ADGRD2: variants seen among roughly 807,000 people sequenced by gnomAD.
ADGRD2 encodes the protein adhesion G protein-coupled receptor D2.
A neutral mutation model predicts 44.4 loss-of-function variants in ADGRD2; 71 were observed. The observed-to-expected ratio is 1.60, with a 90% CI of 1.32 to 1.95. The LOEUF (loss-of-function observed/expected upper bound fraction) is 1.95. Ranked by LOEUF, ADGRD2 falls within the 30% of genes most tolerant of loss-of-function variation. The pLI is 0.00. For missense variants in ADGRD2, 1,039 were observed against 512.4 expected (o/e 2.03, Z -9.92); for synonymous variants, 481 against 224.8 (o/e 2.14, Z -10.19).
upstream of ADGRD2, chr9:124,451,297 C>A (rs991799882): frequency 2.0e-5 from 9 of 457,952 alleles, no homozygotes; most frequent in Non-Finnish European, 3.6e-5. Context: ...TTCCCCCACC[C>A]GCTGCAGGGA....
intron 21 of ADGRD2, chr9:124,476,948 G>A (rs370680177): frequency 1.3e-3 from 938 of 698,710 alleles, no homozygotes; most frequent in Non-Finnish European, 1.9e-3. Context: ...CTGAGCGGGC[G>A]CTGCCAAGAG....
chr9:124,472,545 C>T (rs555208914), intron 17 of ADGRD2, among the ~76,000 whole-genome samples: 133 of 152,016 alleles, frequency 8.7e-4, no homozygotes, highest in African/African-American at 2.4e-3. Flanking sequence ...CTCGCTCTGT[C>T]GCCCAGGCTG....
In ADGRD2 at chr9:124,475,434, G is replaced by A. The variant is rs1226422067; in HGVS notation, c.2759-12G>A. 7.0e-6 allele frequency: 5 copies of A among 711,814 alleles called. No individual in the cohort carries two copies. Among genetic ancestry groups the A allele is most frequent in the Non-Finnish European group, 1.3e-5 (5 of 381,540 alleles). 44.1% of individuals were successfully genotyped at this position (711,814 alleles called of 1,614,324 possible). On this transcript the variant is annotated splice_polypyrimidine_tract_variant and intron_variant, in intron 17 of 21. Transcript: ENST00000334810. ...GGCTCCGGGCTGAGGCACTCGCTGGGTCTGTCCTCAGGGGCTGTACATCTT... is the reference window on the plus strand; with the variant it reads ...GGCTCCGGGCTGAGGCACTCGCTGGATCTGTCCTCAGGGGCTGTACATCTT...
rs539476314 is a variant in ADGRD2 at position 124,458,912 on chromosome 9, G to T, written c.1870+191G>T. Reference sequence around the variant, plus strand: ...TTGACTGCAGGGTCACCTTATGGCAGGTGCCACAGATACGCAGCCTTCGTT... The same window carrying T: ...TTGACTGCAGGGTCACCTTATGGCATGTGCCACAGATACGCAGCCTTCGTT... On this transcript the variant is annotated intron_variant, in intron 10 of 21. Transcript: ENST00000334810. 1.7e-3 allele frequency among the ~76,000 whole-genome samples: 257 copies of T among 152,360 alleles called. 1 individual carries two copies. Among genetic ancestry groups the T allele is most frequent in the African/African-American group, 5.8e-3 (243 of 41,580 alleles).
intron 17 of ADGRD2, among the ~76,000 whole-genome samples, chr9:124,473,355 A>G (rs1348422536): frequency 1.3e-5 from 2 of 152,204 alleles, no homozygotes; most frequent in Non-Finnish European, 2.9e-5. Flanking sequence ...GCCGTAGCTC[A>G]CACTTGCCCT....
intron 16 of ADGRD2, among the ~76,000 whole-genome samples, chr9:124,469,764 T>C (rs1417193027): frequency 1.3e-5 from 2 of 152,252 alleles, no homozygotes; most frequent in Admixed American, 6.5e-5. Flanking sequence ...CATGCACCCA[T>C]GCGTGTCACA....
chr9:124,455,191 G>T, intron 6 of ADGRD2, 64 bp downstream of exon 9: 1 of 617,358 alleles, frequency 1.6e-6, no homozygotes. Flanking sequence ...GCCACCAGCT[G>T]GTTGTGTAGC....
exon 17 of ADGRD2, chr9:124,470,592 C>G: frequency 1.4e-6 from 1 of 707,946 alleles, no homozygotes; most frequent in Non-Finnish European, 2.6e-6. Context: ...GCCTACGCTG[C>G]CGTGGGCCTC....
chr9:124,463,933 G>A (rs904397237), intron 10 of ADGRD2, among the ~76,000 whole-genome samples: 5 of 152,130 alleles, frequency 3.3e-5, no homozygotes, highest in Admixed American at 3.3e-4. Flanking sequence ...GACCTCCTGG[G>A]ATCAAGCGAT....
intron 1 of ADGRD2, 38 bp downstream of exon 4, chr9:124,452,192 C>T: frequency 2.9e-6 from 2 of 687,224 alleles, no homozygotes; most frequent in Non-Finnish European, 5.4e-6. Flanking sequence ...GGTCCCAGTC[C>T]CCCAGCTAAG....
chr9:124,456,519 G>C (rs1417624634), intron 6 of ADGRD2, 103 bp from the exon 10 acceptor site: 1 of 678,254 alleles, frequency 1.5e-6, no homozygotes, highest in African/African-American at 1.8e-5. Context: ...TCTGGAGAGG[G>C]CAGGACCACC....
intron 8 of ADGRD2, 136 bp downstream of exon 11, chr9:124,457,742 C>T (rs1831645248): frequency 1.8e-6 from 1 of 552,552 alleles, no homozygotes. Flanking sequence ...TTACTACTTG[C>T]CTTGTGGCTT....
At chr9:124,467,647 C>A in intron 11 of ADGRD2, 74 bp from the exon 15 acceptor site, 1 of 704,136 alleles carries the variant, frequency 1.4e-6, no homozygotes, top group South Asian at 1.5e-5. Context: ...GCCTTAGAGT[C>A]ACCAGGTGGG....
At chr9:124,472,153 A>C (rs1368734307) in intron 17 of ADGRD2, among the ~76,000 whole-genome samples, 1 of 152,044 alleles carries the variant, frequency 6.6e-6, no homozygotes, top group Non-Finnish European at 1.5e-5. Flanking sequence ...ACCGTCAGCC[A>C]TGGGGCAATG....
At chr9:124,476,481 G>A (rs1199628180) in intron 20 of ADGRD2, 66 bp downstream of exon 23, 1 of 677,840 alleles carries the variant, frequency 1.5e-6, no homozygotes, top group Admixed American at 2.1e-5. Context: ...AGCAGGCAAA[G>A]TCGGGAAGCC....
At chr9:124,451,997 G>GCCCA, upstream of ADGRD2, 2 of 360,938 alleles carry the variant, frequency 5.5e-6, no homozygotes, top group East Asian at 9.0e-5. Context: ...TCCACTGAAT[G>GCCCA]CCCCCCTCCC....
At chr9:124,458,983 G>A (rs1588602351) in intron 10 of ADGRD2, among the ~76,000 whole-genome samples, 1 of 152,210 alleles carries the variant, frequency 6.6e-6, no homozygotes, top group African/African-American at 2.4e-5. Flanking sequence ...GAGGGCTGAC[G>A]TGATTGGCCC....
At chr9:124,474,003 T>C (rs1831999695) in intron 17 of ADGRD2, among the ~76,000 whole-genome samples, 1 of 151,768 alleles carries the variant, frequency 6.6e-6, no homozygotes. Context: ...TGGCCAGGTG[T>C]GGTGGCTCAC....
At chr9:124,468,322 G>A (rs1831871715) in intron 13 of ADGRD2, 132 bp downstream of exon 16, 2 of 682,372 alleles carry the variant, frequency 2.9e-6, no homozygotes, top group Non-Finnish European at 5.3e-6. Flanking sequence ...AGGGCCCGGG[G>A]AGGAGCAGGG....
Sources: allele counts gnomAD v4.1 joint callset (sites outside exome capture counted in the v4.1 genomes callset), GRCh38; gene constraint gnomAD v4.1.1; transcripts MANE v1.5; gene names NCBI Gene and HGNC (gene_info 2026-07-23, HGNC 2026-07-21).